AP4E1: variants seen among roughly 807,000 people sequenced by gnomAD.
AP4E1 encodes AP-4 complex subunit epsilon-1.
AP4E1 carries 56 observed loss-of-function variants against 128.2 expected under a neutral mutation model. That is an observed-to-expected ratio of 0.44 (90% CI 0.35 to 0.55). AP4E1 has a LOEUF of 0.55. AP4E1 is among the 20% of genes least tolerant of loss of function. The pLI, the probability that AP4E1 is intolerant of heterozygous loss-of-function variation, is 0.00. For synonymous variants in AP4E1, 484 were observed against 473.1 expected (o/e 1.02, Z -0.30); for missense variants, 1,324 against 1,307.7 (o/e 1.01, Z -0.19).
intron 2 of AP4E1, among the ~76,000 whole-genome samples, chr15:50,913,476 A>C (rs1003764345): frequency 2.0e-5 from 3 of 152,262 alleles, no homozygotes; most frequent in Admixed American, 6.5e-5. Flanking sequence ...GGAAGGTTTT[A>C]TAACACTATG....
At chr15:50,912,384 G>T (rs1452503079) in intron 2 of AP4E1, among the ~76,000 whole-genome samples, 1 of 152,216 alleles carries the variant, frequency 6.6e-6, no homozygotes, top group African/African-American at 2.4e-5. Context: ...TTACATAAAT[G>T]TGGAGATACT....
chr15:50,988,000 A>C (rs2064752201), intron 16 of AP4E1, among the ~76,000 whole-genome samples: 1 of 152,170 alleles, frequency 6.6e-6, no homozygotes, highest in Non-Finnish European at 1.5e-5. Flanking sequence ...GAATTTATAC[A>C]TCCAGGCTGA....
chr15:50,911,284 T>C (rs924275578), intron 1 of AP4E1, among the ~76,000 whole-genome samples: 1 of 152,110 alleles, frequency 6.6e-6, no homozygotes, highest in Non-Finnish European at 1.5e-5. Context: ...TAGGAAGTTA[T>C]GGAAAGGATT....
intron 11 of AP4E1, among the ~76,000 whole-genome samples, chr15:50,948,972 CAAAAA>C: frequency 1.4e-5 from 1 of 70,550 alleles, no homozygotes; most frequent in East Asian, 4.0e-4. Context: ...AACTCCGTCT[CAAAAA>C]AAAAAAAAAA....
intron 3 of AP4E1, among the ~76,000 whole-genome samples, chr15:50,918,389 T>G (rs1245674926): frequency 1.3e-5 from 2 of 152,208 alleles, no homozygotes; most frequent in Admixed American, 1.3e-4. Context: ...AGTCCTGCTC[T>G]TTCTTGTTAC....
At position 50,958,768 on chromosome 15, in the gene AP4E1, G is replaced by C. The variant is rs767378180; in HGVS notation, c.1825G>C (p.Val609Leu). ...NVELMKSLLP[V>L]DRSCEDLVVD... is the part of the protein sequence containing the mutation. ...GGAACTTATGAAGAGCTTGCTTCCA[G>C]TTGACAGGAGTTGTGAAGACTTGGT... The change falls in exon 14 of 21, where the codon GTT becomes CTT. Residue 609 changes from valine (V) to leucine (L), a missense_variant. By Grantham distance (32) the Val-to-Leu change is conservative. Coordinates refer to ENST00000261842, the MANE Select transcript of AP4E1 (RefSeq NM_007347.5). The C allele has an allele frequency of 4.5e-5, 72 of 1,614,034 alleles. No individual in the cohort carries two copies. The South Asian group carries it at 7.4e-4, about 16-fold the overall frequency.
At chr15:50,933,594 A>T (rs1467631148) in intron 7 of AP4E1, among the ~76,000 whole-genome samples, 1 of 152,176 alleles carries the variant, frequency 6.6e-6, no homozygotes, top group African/African-American at 2.4e-5. Context: ...GCAGGGAAGG[A>T]TTGGTAATGT....
chr15:50,923,483 C>A (rs2063731748), intron 3 of AP4E1, among the ~76,000 whole-genome samples: 2 of 152,066 alleles, frequency 1.3e-5, no homozygotes, highest in Non-Finnish European at 2.9e-5. Context: ...CATTAGGTGG[C>A]TAGCTCACTC....
intron 14 of AP4E1, among the ~76,000 whole-genome samples, chr15:50,967,805 G>A (rs2064413927): frequency 6.6e-6 from 1 of 152,164 alleles, no homozygotes; most frequent in South Asian, 2.1e-4. Context: ...AGAGAGTTGG[G>A]TAGCATTTTC....
At chr15:50,911,262 A>G (rs1488399012) in intron 1 of AP4E1, among the ~76,000 whole-genome samples, 1 of 152,156 alleles carries the variant, frequency 6.6e-6, no homozygotes, top group Non-Finnish European at 1.5e-5. Context: ...CCACATTGGT[A>G]TGTGTCTGAG....
At chr15:50,957,569 C>T (rs942168960) in intron 13 of AP4E1, among the ~76,000 whole-genome samples, 3 of 151,988 alleles carry the variant, frequency 2.0e-5, no homozygotes, top group East Asian at 1.9e-4. Context: ...AGGGACCCCA[C>T]CCTTTTCTGC....
intron 14 of AP4E1, among the ~76,000 whole-genome samples, chr15:50,960,568 T>A (rs1446416081): frequency 6.6e-6 from 1 of 152,076 alleles, no homozygotes. Context: ...AAAAATTTCT[T>A]GAATCTAATA....
At chr15:50,923,050 A>T (rs4444282) in intron 3 of AP4E1, among the ~76,000 whole-genome samples, 92,152 of 152,012 alleles carry the variant, frequency 0.61, 28,114 homozygotes, top group Non-Finnish European at 0.63. Context: ...GTGCTGGGAT[A>T]ACAGGCGTGA....
chr15:51,001,333 A>C, intron 20 of AP4E1, 150 bp downstream of exon 20: 1 of 752,652 alleles, frequency 1.3e-6, no homozygotes, highest in South Asian at 2.0e-5. Context: ...AGACTGTATT[A>C]AATAATTTTT....
intron 13 of AP4E1, among the ~76,000 whole-genome samples, chr15:50,957,479 T>G (rs2064240861): frequency 6.6e-6 from 1 of 152,000 alleles, no homozygotes; most frequent in Non-Finnish European, 1.5e-5. Context: ...AAAGGCAACA[T>G]TTGAATGGGA....
chr15:50,937,771 T>C (rs190209792), intron 8 of AP4E1, among the ~76,000 whole-genome samples: 86 of 152,222 alleles, frequency 5.6e-4, no homozygotes, highest in African/African-American at 1.9e-3. Flanking sequence ...GACATGGGGC[T>C]ATTTAAAAAC....
intron 13 of AP4E1, among the ~76,000 whole-genome samples, 200 bp from the exon 14 acceptor site, chr15:50,958,292 G>C (rs1004817548): frequency 1.1e-4 from 16 of 152,172 alleles, no homozygotes; most frequent in African/African-American, 3.6e-4. Context: ...TAATGACAAT[G>C]ATGGGGAAAG....
intron 14 of AP4E1, among the ~76,000 whole-genome samples, chr15:50,961,076 A>G (rs2064306156): frequency 6.6e-6 from 1 of 152,120 alleles, no homozygotes; most frequent in African/African-American, 2.4e-5. Context: ...CAAGGAAGAA[A>G]TAGAAAACCT....
chr15:50,999,131 T>C lies in AP4E1; in HGVS notation c.2964T>C (p.Phe988=). 6.2e-7 allele frequency: 1 copy of C among 1,614,032 alleles called. No individual in the cohort carries two copies. The highest frequency in any genetic ancestry group is 8.5e-7 in the Non-Finnish European group (1 of 1,179,962). ...TGGAAGCAGAAAGCACCAAAAGCTTTCAATATAGTGTGCAGATAGAAAAAC... is the reference window on the plus strand; with the variant it reads ...TGGAAGCAGAAAGCACCAAAAGCTTCCAATATAGTGTGCAGATAGAAAAAC... ...PVMEAESTKS[F]QYSVQIEKPF... Residue 988 remains phenylalanine, a synonymous_variant, in exon 19 of 21, where the codon TTT becomes TTC. Transcript: ENST00000261842.
Sources: allele counts gnomAD v4.1 joint callset (sites outside exome capture counted in the v4.1 genomes callset), GRCh38; gene constraint gnomAD v4.1.1; transcripts MANE v1.5; gene names NCBI Gene and HGNC (gene_info 2026-07-23, HGNC 2026-07-21).